PALM: variants seen among roughly 807,000 people sequenced by gnomAD.
PALM encodes paralemmin-1.
Under a neutral mutation model 30.7 loss-of-function variants are expected in PALM, and 18 were observed. The ratio of observed to expected loss-of-function variants is 0.59; its 90% CI spans 0.41 to 0.87. The LOEUF (loss-of-function observed/expected upper bound fraction) is 0.87, where lower values mean the gene tolerates loss of function less well. Among genes scored for constraint, PALM ranks in the 40% least tolerant of loss-of-function variants. The pLI is 0.00. For missense variants in PALM, 529 were observed against 555.4 expected (o/e 0.95, Z 0.48); for synonymous variants, 286 against 242.8 (o/e 1.18, Z -1.66).
chr19:727,514 C>T (rs1471235815), intron 3 of PALM, 50 bp from the exon 4 acceptor site: 2 of 1,466,102 alleles, frequency 1.4e-6, no homozygotes, highest in African/African-American at 1.4e-5. Context: ...TAAGTCTTAA[C>T]CCTGGCCCTG....
intron 2 of PALM, among the ~76,000 whole-genome samples, chr19:726,546 C>T (rs771544682): frequency 3.9e-5 from 6 of 152,118 alleles, no homozygotes; most frequent in Admixed American, 6.6e-5. Context: ...TCTTGGTGTC[C>T]GCAGACCCCT....
chr19:746,078 A>G lies in PALM; in HGVS notation c.635-207A>G, dbSNP rs1484270295. 1.3e-5 allele frequency among the ~76,000 whole-genome samples: 2 copies of G among 152,156 alleles called. No homozygotes were observed. Among genetic ancestry groups the G allele is most frequent in the African/African-American group, 4.8e-5 (2 of 41,448 alleles). ...GTCTCAAAAAAAATTTTTTTTCCTC[A>G]TTGTACGGCATTGGCTGCATCCACA... On this transcript the variant is annotated intron_variant, in intron 8 of 8. Coordinates refer to ENST00000338448, the MANE Select transcript of PALM (RefSeq NM_002579.3). The surrounding 1 kb of genome is among the most constrained non-coding windows in gnomAD (Gnocchi z 7.1).
chr19:717,127 A>C (rs1003527363), intron 1 of PALM, among the ~76,000 whole-genome samples: 1 of 152,120 alleles, frequency 6.6e-6, no homozygotes. Context: ...ACGGGGTTTC[A>C]CCATATTGAC....
chr19:731,819 C>T (rs1009698705), intron 5 of PALM, among the ~76,000 whole-genome samples: 1 of 152,008 alleles, frequency 6.6e-6, no homozygotes, highest in African/African-American at 2.4e-5. Flanking sequence ...GCCACCATAC[C>T]CGGCTAATTT....
At chr19:733,624 C>T (rs772491832) in intron 5 of PALM, among the ~76,000 whole-genome samples, 38 of 152,094 alleles carry the variant, frequency 2.5e-4, no homozygotes, top group Non-Finnish European at 5.3e-4. Flanking sequence ...GGAGGGGGCA[C>T]GGAGGAGCCG....
intron 1 of PALM, among the ~76,000 whole-genome samples, chr19:724,119 G>T (rs1314333099): frequency 6.6e-6 from 1 of 152,120 alleles, no homozygotes; most frequent in Non-Finnish European, 1.5e-5. Flanking sequence ...GCAGGGCGAG[G>T]TTGCTGTGGG....
chr19:735,269 G>A (rs1163899291), intron 6 of PALM, among the ~76,000 whole-genome samples: 9 of 146,180 alleles, frequency 6.2e-5, no homozygotes, highest in South Asian at 2.3e-4. Flanking sequence ...TGGGTGTCTC[G>A]GTGGGGTCTG....
chr19:724,787 T>C (rs2032606861), intron 1 of PALM, among the ~76,000 whole-genome samples: 1 of 151,986 alleles, frequency 6.6e-6, no homozygotes, highest in African/African-American at 2.4e-5. Flanking sequence ...TTGATAATAT[T>C]TTTTATTTTT....
At chr19:729,924 G>A (rs1168104464) in intron 4 of PALM, among the ~76,000 whole-genome samples, 1 of 152,216 alleles carries the variant, frequency 6.6e-6, no homozygotes, top group East Asian at 1.9e-4. Context: ...TGGCCGTGGG[G>A]GCTGGGCACA....
intron 8 of PALM, among the ~76,000 whole-genome samples, chr19:744,898 C>T (rs369734807): frequency 1.9e-5 from 1 of 52,020 alleles, no homozygotes; most frequent in Non-Finnish European, 5.7e-5. Flanking sequence ...AAAAAAAAAG[C>T]AGCAGGCACG....
intron 1 of PALM, among the ~76,000 whole-genome samples, chr19:720,298 C>A (rs1295675856): frequency 2.0e-5 from 3 of 151,100 alleles, no homozygotes; most frequent in Non-Finnish European, 4.4e-5. Context: ...ATCACCGGGG[C>A]GGCGGCGCCC....
At position 742,261 on chromosome 19, in the gene PALM, G is replaced by T. The variant is rs757427911; in HGVS notation, c.634+1778G>T. 2.6e-5 allele frequency among the ~76,000 whole-genome samples: 4 copies of T among 151,926 alleles called. No homozygotes were observed. Among genetic ancestry groups the T allele is most frequent in the African/African-American group, 4.8e-5 (2 of 41,370 alleles). On this transcript the variant is annotated intron_variant, in intron 8 of 8. Transcript: ENST00000338448. This position sits in a 1 kb window ranked among gnomAD's most constrained non-coding sequence, Gnocchi z 5.5. ...TCCCCTCCCCAGCTCTGGCACCCAC[G>T]CATCCCCTCCTGTCTCTCTGGATTG...
In PALM at chr19:709,211, G is replaced by T; in HGVS notation, c.5+60G>T. The T allele has an allele frequency of 3.2e-6, 1 of 308,726 alleles. No homozygotes were observed. The highest frequency in any genetic ancestry group is 6.0e-6 in the Non-Finnish European group (1 of 167,900). The allele number at this position is 308,726 out of a possible 1,614,324, so 19.1% of individuals were successfully genotyped here. On this transcript the variant is annotated intron_variant, in intron 1 of 8. Coordinates refer to ENST00000338448, the MANE Select transcript of PALM (RefSeq NM_002579.3). This position sits in a 1 kb window ranked among gnomAD's most constrained non-coding sequence, Gnocchi z 4.3. ...CCCGGAGCTCCGGGAGCCGGGGAGG[G>T]GGGAGGCCCCCTCTCTCGCGCCCCA...
In PALM at chr19:716,411, C is replaced by CAA. The variant is rs564541436; in HGVS notation, c.5+7274_5+7275dup. On this transcript the variant is annotated intron_variant, in intron 1 of 8. Transcript: ENST00000338448. The stretch of plus-strand genomic sequence containing the variant: ...GGTGACAGAGCGAGACTCTTTCTCT[C>CAA]AAAAAAAAAAAAAAAGAAAGTTTAG... Among the ~76,000 whole-genome samples the CAA allele has an allele frequency of 3.9e-3, 518 of 131,502 alleles. 4 individuals carry two copies. Among genetic ancestry groups the CAA allele is most frequent in the Admixed American group, 8.1e-3 (102 of 12,624 alleles). The allele number at this position is 131,502 out of a possible 152,430, so 86.3% of individuals were successfully genotyped here.
chr19:740,308 G>A lies in PALM; in HGVS notation c.503-44G>A, dbSNP rs555195118. Reference sequence around the variant, plus strand: ...TGGCCGCAGCCCGGCGGGGGGGTGCGGGGGCGGGCAGGCCGTGGTGTAACC... The same window carrying A: ...TGGCCGCAGCCCGGCGGGGGGGTGCAGGGGCGGGCAGGCCGTGGTGTAACC... On this transcript the variant is annotated intron_variant, in intron 7 of 8. Coordinates refer to ENST00000338448, the MANE Select transcript of PALM (RefSeq NM_002579.3). 3.5e-4 allele frequency: 527 copies of A among 1,514,460 alleles called. 2 individuals are homozygous for A. Among genetic ancestry groups the A allele is most frequent in the Middle Eastern group, 6.8e-4 (4 of 5,842 alleles). 93.8% of individuals were successfully genotyped at this position (1,514,460 alleles called of 1,614,324 possible).
intron 4 of PALM, among the ~76,000 whole-genome samples, chr19:730,337 A>C (rs1363197399): frequency 2.0e-5 from 3 of 152,072 alleles, no homozygotes; most frequent in Non-Finnish European, 4.4e-5. Context: ...GCTGAGGCTG[A>C]GCTGCCGTGA....
At chr19:716,105 T>C (rs758939463) in intron 1 of PALM, among the ~76,000 whole-genome samples, 2 of 151,850 alleles carry the variant, frequency 1.3e-5, no homozygotes, top group Admixed American at 1.3e-4. Context: ...GAGCTAGGCC[T>C]TGGGATGGGG....
At position 727,002 on chromosome 19, in the gene PALM, C is replaced by CCCCCCGGG; in HGVS notation, c.58-5_58-4insCCCCGGGC. The stretch of plus-strand genomic sequence containing the variant: ...CATCCCTGACCCCACCCGGCCCTCC[C>CCCCCCGGG]CACAGGAGAAGCGGAAGCGGCAGGC... On this transcript the variant is annotated splice_polypyrimidine_tract_variant and splice_region_variant and intron_variant, in intron 2 of 8. Coordinates refer to ENST00000338448, the MANE Select transcript of PALM (RefSeq NM_002579.3). 2 of 1,519,332 alleles carry CCCCCCGGG rather than the reference C, an allele frequency of 1.3e-6. No individual in the cohort carries two copies. The highest frequency in any genetic ancestry group is 1.8e-6 in the Non-Finnish European group (2 of 1,120,588). The allele number at this position is 1,519,332 out of a possible 1,614,324, so 94.1% of individuals were successfully genotyped here.
rs553953625 is a variant in PALM, at chr19:731,821, G to A, written c.420+576G>A. On this transcript the variant is annotated intron_variant, in intron 5 of 8. Transcript: ENST00000338448. ...ACTACAGGCGCCTGCCACCATACCC[G>A]GCTAATTTTTTTGTATTTTTAGTAG... Among the ~76,000 whole-genome samples, 19 of 152,104 alleles carry A rather than the reference G, an allele frequency of 1.2e-4. 1 individual carries two copies. In the South Asian group the frequency reaches 3.7e-3, roughly 30 times the overall value.
Sources: allele counts gnomAD v4.1 joint callset (sites outside exome capture counted in the v4.1 genomes callset), GRCh38; gene constraint gnomAD v4.1.1; non-coding constraint Gnocchi (gnomAD v3.1); transcripts MANE v1.5; gene names NCBI Gene and HGNC (gene_info 2026-07-23, HGNC 2026-07-21).